Variants in ARHGAP1 observed in about 807,000 individuals in gnomAD.
ARHGAP1 encodes Rho GTPase activating protein 1.
In ARHGAP1, 23 loss-of-function variants were observed where a neutral mutation model predicts 52.2. The observed-to-expected ratio is 0.44, with a 90% CI of 0.32 to 0.62. The LOEUF is 0.62. Ranked by LOEUF, ARHGAP1 falls within the 20% of genes least tolerant of loss-of-function variation. The pLI is 0.05. For synonymous variants in ARHGAP1, 210 were observed against 228.4 expected, an observed-to-expected ratio of 0.92 and a Z score of 0.73; for missense variants, 480 against 560.9, an observed-to-expected ratio of 0.86 and a Z score of 1.46.
intron 1 of ARHGAP1, among the ~76,000 whole-genome samples, chr11:46,699,330 G>A (rs757705681): frequency 6.6e-6 from 1 of 152,172 alleles, no homozygotes; most frequent in African/African-American, 2.4e-5. Context: ...GGCCTATATA[G>A]GACCATGAAC....
intron 3 of ARHGAP1, among the ~76,000 whole-genome samples, chr11:46,691,834 C>T (rs985069473): frequency 6.6e-5 from 10 of 152,172 alleles, no homozygotes; most frequent in Middle Eastern, 3.4e-3. Context: ...ATGATCTGCA[C>T]GCCTCAGCCT....
intron 4 of ARHGAP1, among the ~76,000 whole-genome samples, chr11:46,686,338 A>G (rs2064568392): frequency 6.6e-6 from 1 of 152,136 alleles, no homozygotes; most frequent in Non-Finnish European, 1.5e-5. Flanking sequence ...GGGCTTGGAA[A>G]AGACCTGCCC....
Position 46,680,686 on chromosome 11 carries a change from G to A in ARHGAP1, c.697C>T (p.Pro233Ser), listed in dbSNP as rs1458932654. Residue 233 changes from proline to serine, a missense_variant, in exon 8 of 13, where the codon CCA becomes TCA. Coordinates refer to ENST00000311956, the MANE Select transcript of ARHGAP1 (RefSeq NM_004308.5). This position sits in a 1 kb window ranked among gnomAD's most constrained non-coding sequence, Gnocchi z 5.9. ...TGCTGGTTGGGCAGGGGGGGCCGTG[G>A]GGGCATGGGCTTGGGGGCTGTCGCG... ...SPATAPKPMP[P>S]RPPLPNQQFG... is the part of the protein sequence containing the mutation. 6.2e-7 allele frequency: 1 copy of A among 1,603,662 alleles called. No individual in the cohort carries two copies. Among genetic ancestry groups the A allele is most frequent in the Non-Finnish European group, 8.5e-7 (1 of 1,174,288 alleles).
chr11:46,678,209 G>A lies in ARHGAP1; in HGVS notation c.*828C>T, dbSNP rs1260515782. 6 of 182,174 alleles carry A rather than the reference G, an allele frequency of 3.3e-5. No individual in the cohort carries two copies. The South Asian group carries it at 4.6e-4, about 14-fold the overall frequency. 11.3% of individuals were successfully genotyped at this position (182,174 alleles called of 1,614,324 possible). On this transcript the variant is annotated 3_prime_UTR_variant, in exon 13 of 13. Coordinates refer to ENST00000311956, the MANE Select transcript of ARHGAP1 (RefSeq NM_004308.5). ...GAACATGAAGGCTGATGATCTGCCC[G>A]TGTGGGAAAGGAGGCCAAGAGGGGA...
At chr11:46,685,716 TTGCCCAGGC>T (rs1725929169) in intron 4 of ARHGAP1, among the ~76,000 whole-genome samples, 1 of 150,050 alleles carries the variant, frequency 6.7e-6, no homozygotes. Context: ...TCTTGCTCTG[TTGCCCAGGC>T]TGGAGTGCAG....
chr11:46,692,059 T>G (rs1417546502), intron 3 of ARHGAP1, among the ~76,000 whole-genome samples: 3 of 152,134 alleles, frequency 2.0e-5, no homozygotes, highest in Non-Finnish European at 4.4e-5. Flanking sequence ...AAGGACCAGG[T>G]GGTACCTGCT....
intron 3 of ARHGAP1, among the ~76,000 whole-genome samples, chr11:46,688,486 A>ATT (rs201194673): frequency 6.7e-6 from 1 of 150,292 alleles, no homozygotes; most frequent in African/African-American, 2.5e-5. Context: ...AAAAAAAGTG[A>ATT]TTTTTTTTTC....
intron 4 of ARHGAP1, 99 bp from the exon 5 acceptor site, chr11:46,682,281 C>T: frequency 6.6e-7 from 1 of 1,505,138 alleles, no homozygotes; most frequent in Non-Finnish European, 9.1e-7. Context: ...GTCACAGCCC[C>T]TTCCCCACAG....
rs888798447 is a variant in ARHGAP1 at position 46,696,152 on chromosome 11, G to T, written c.-45C>A. 5 of 1,549,332 alleles carry T rather than the reference G, an allele frequency of 3.2e-6. No individual in the cohort carries two copies. In the African/African-American group the frequency reaches 6.8e-5, roughly 21 times the overall value. On this transcript the variant is annotated 5_prime_UTR_variant, in exon 2 of 13. Transcript: ENST00000311956. This position sits in a 1 kb window ranked among gnomAD's most constrained non-coding sequence, Gnocchi z 4.8. ...AGCCTTGCCCTGCAGAACCTTAAGA[G>T]AAACCTGGGAGAGAGGAAGACAGGT...
chr11:46,691,982 A>G (rs1243881131), intron 3 of ARHGAP1, among the ~76,000 whole-genome samples: 1 of 152,204 alleles, frequency 6.6e-6, no homozygotes, highest in Non-Finnish European at 1.5e-5. Context: ...CCAGATTTGC[A>G]AGTAGAGAAT....
chr11:46,683,238 TC>T (rs2064542243), intron 4 of ARHGAP1, among the ~76,000 whole-genome samples: 2 of 152,186 alleles, frequency 1.3e-5, no homozygotes, highest in East Asian at 3.9e-4. Flanking sequence ...GAGACAGGTC[TC>T]ACTATGTTGC....
At chr11:46,690,228 A>C (rs10838613) in intron 3 of ARHGAP1, among the ~76,000 whole-genome samples, 130,278 of 151,516 alleles carry the variant, frequency 0.86, 55,979 homozygotes, top group Admixed American at 0.9. Context: ...CACACACACA[A>C]AAAAAAAAAT....
At chr11:46,692,070 C>G (rs1018591617) in intron 3 of ARHGAP1, among the ~76,000 whole-genome samples, 1 of 152,216 alleles carries the variant, frequency 6.6e-6, no homozygotes, top group Non-Finnish European at 1.5e-5. Context: ...GGTACCTGCT[C>G]TCTTTCGTAC....
At chr11:46,690,800 AG>A (rs2064607463) in intron 3 of ARHGAP1, among the ~76,000 whole-genome samples, 1 of 152,032 alleles carries the variant, frequency 6.6e-6, no homozygotes, top group Non-Finnish European at 1.5e-5. Flanking sequence ...TCTCCCTGAC[AG>A]GCTTGTGAGC....
intron 3 of ARHGAP1, among the ~76,000 whole-genome samples, chr11:46,690,853 CT>C (rs998421909): frequency 8.6e-5 from 13 of 151,668 alleles, no homozygotes; most frequent in African/African-American, 2.4e-4. Flanking sequence ...TTTGTTTGTT[CT>C]TTTTCTTTGT....
At chr11:46,690,656 C>T (rs1187426998) in intron 3 of ARHGAP1, among the ~76,000 whole-genome samples, 3 of 152,132 alleles carry the variant, frequency 2.0e-5, no homozygotes, top group Admixed American at 6.6e-5. Flanking sequence ...CAGGCATAAT[C>T]GCCGCCTGGA....
intron 1 of ARHGAP1, among the ~76,000 whole-genome samples, chr11:46,699,569 G>A (rs1488833758): frequency 7.5e-6 from 1 of 132,942 alleles, no homozygotes; most frequent in African/African-American, 2.9e-5. Flanking sequence ...CGGGTGTGGT[G>A]GCGCGCGCCT....
Position 46,692,854 on chromosome 11 carries a change from ATT to A in ARHGAP1, c.229+2804_229+2805del, listed in dbSNP as rs142099026. 1.1e-3 allele frequency among the ~76,000 whole-genome samples: 159 copies of A among 139,760 alleles called. 1 individual carries two copies. Among genetic ancestry groups the A allele is most frequent in the Admixed American group, 1.4e-3 (20 of 13,918 alleles). 91.7% of individuals were successfully genotyped at this position (139,760 alleles called of 152,430 possible). A position where few individuals can be genotyped will look rare whatever the true frequency, so the allele number is the denominator to read the frequency against. On this transcript the variant is annotated intron_variant, in intron 3 of 12. Transcript: ENST00000311956. ...AGGCATGCACCACCACACCCAGCTAATTTTTTTTTTTTTTTTGAGACGGCGTC... is the reference window on the plus strand; with the variant it reads ...AGGCATGCACCACCACACCCAGCTAATTTTTTTTTTTTTTGAGACGGCGTC...
chr11:46,690,563 G>C (rs2064604936), intron 3 of ARHGAP1, among the ~76,000 whole-genome samples: 1 of 152,110 alleles, frequency 6.6e-6, no homozygotes, highest in Admixed American at 6.5e-5. Flanking sequence ...CACTGGTTCT[G>C]ATTGACTTCT....
Sources: allele counts gnomAD v4.1 joint callset (sites outside exome capture counted in the v4.1 genomes callset), GRCh38; gene constraint gnomAD v4.1.1; non-coding constraint Gnocchi (gnomAD v3.1); transcripts MANE v1.5; gene names NCBI Gene and HGNC (gene_info 2026-07-23, HGNC 2026-07-21).